The following CADM2 variants were observed in gnomAD, a reference collection of about 807,000 sequenced individuals.
The protein encoded by CADM2 is immunoglobulin superfamily member 4D.
CADM2 carries 12 observed loss-of-function variants against 49.8 expected under a neutral mutation model. The observed-to-expected ratio is 0.24, with a 90% confidence interval of 0.15 to 0.39. The LOEUF (loss-of-function observed/expected upper bound fraction) is 0.39. Ranked by LOEUF, CADM2 falls within the 10% of genes least tolerant of loss-of-function variation. The pLI is 1.00. For synonymous variants in CADM2, 214 were observed against 175.4 expected (o/e 1.22, Z -1.74); for missense variants, 378 against 492.3 (o/e 0.77, Z 2.20).
chr3:85,791,245 T>C (rs998314872), intron 2 of CADM2, among the ~76,000 whole-genome samples: 2 of 152,170 alleles, frequency 1.3e-5, no homozygotes, highest in African/African-American at 4.8e-5. Flanking sequence ...CCGGCCTTAA[T>C]GACATTTGTG....
chr3:85,910,564 A>G (rs990822508), intron 5 of CADM2, among the ~76,000 whole-genome samples: 15 of 152,100 alleles, frequency 9.9e-5, no homozygotes, highest in African/African-American at 3.4e-4. Context: ...TAAAAATGAG[A>G]TGAGATATTT....
chr3:85,726,462 G>T (rs757806559), intron 1 of CADM2, 60 bp from the exon 2 acceptor site: 1 of 1,587,018 alleles, frequency 6.3e-7, no homozygotes, highest in Non-Finnish European at 8.6e-7. Context: ...TCTTACTAGA[G>T]AATCTGTCTA....
intron 1 of CADM2, among the ~76,000 whole-genome samples, chr3:85,662,172 T>C (rs1457547655): frequency 6.6e-6 from 1 of 151,824 alleles, no homozygotes; most frequent in Non-Finnish European, 1.5e-5. Context: ...TGTTTGTTTA[T>C]TAATTATTGG....
intron 4 of CADM2, among the ~76,000 whole-genome samples, chr3:85,885,604 C>T (rs892272533): frequency 6.6e-6 from 1 of 150,848 alleles, no homozygotes; most frequent in Non-Finnish European, 1.5e-5. Context: ...ATTGCTTGAA[C>T]CTGGGAGGTG....
intron 1 of CADM2, among the ~76,000 whole-genome samples, chr3:85,215,764 C>T (rs981766606): frequency 2.0e-5 from 3 of 152,138 alleles, no homozygotes; most frequent in African/African-American, 7.2e-5. Context: ...GTAGATGATT[C>T]ACCTCTGGCC....
At chr3:85,648,717 T>C (rs1473507976) in intron 1 of CADM2, among the ~76,000 whole-genome samples, 1 of 152,054 alleles carries the variant, frequency 6.6e-6, no homozygotes, top group Non-Finnish European at 1.5e-5. Flanking sequence ...TTTTCTCCAT[T>C]ACTGAGATTT....
At chr3:85,590,485 T>A (rs1047753658) in intron 1 of CADM2, among the ~76,000 whole-genome samples, 8 of 151,872 alleles carry the variant, frequency 5.3e-5, no homozygotes, top group African/African-American at 1.9e-4. Flanking sequence ...CATGTTAGAG[T>A]GTTTTGAAAG....
At chr3:85,737,660 G>C (rs893952809) in intron 2 of CADM2, among the ~76,000 whole-genome samples, 1 of 150,850 alleles carries the variant, frequency 6.6e-6, no homozygotes, top group African/African-American at 2.4e-5. Flanking sequence ...CAGGTTCATG[G>C]CATTCTCCTG....
At chr3:85,638,737 C>A (rs1403828905) in intron 1 of CADM2, among the ~76,000 whole-genome samples, 1 of 151,966 alleles carries the variant, frequency 6.6e-6, no homozygotes, top group African/African-American at 2.4e-5. Flanking sequence ...CTGAAGGTTT[C>A]TTTCTTTATC....
intron 1 of CADM2, among the ~76,000 whole-genome samples, chr3:85,328,660 C>A (rs1382020989): frequency 6.6e-6 from 1 of 152,118 alleles, no homozygotes; most frequent in Non-Finnish European, 1.5e-5. Flanking sequence ...TTGGATGTTG[C>A]AAGCTCAAAT....
chr3:86,047,809 C>T (rs368970312), intron 8 of CADM2, among the ~76,000 whole-genome samples: 1 of 152,132 alleles, frequency 6.6e-6, no homozygotes, highest in Non-Finnish European at 1.5e-5. Flanking sequence ...TCTCACATTT[C>T]GAGTCCCAAA....
chr3:85,338,455 C>T lies in CADM2; in HGVS notation c.61+378787C>T, dbSNP rs1000026000. ...TAGTAAGTAATCTGTGCAATAGCCCCGAGAAGCCAGTAATATAGTAATAAA... is the reference window on the plus strand; with the variant it reads ...TAGTAAGTAATCTGTGCAATAGCCCTGAGAAGCCAGTAATATAGTAATAAA... On this transcript the variant is annotated intron_variant, in intron 1 of 9. Transcript: ENST00000383699. Among the ~76,000 whole-genome samples the T allele has an allele frequency of 1.9e-4, 28 of 151,210 alleles. 1 individual carries two copies. The highest frequency in any genetic ancestry group is 4.8e-4 in the African/African-American group (20 of 41,264).
intron 1 of CADM2, among the ~76,000 whole-genome samples, chr3:85,308,176 A>G (rs2044258656): frequency 6.6e-6 from 1 of 151,838 alleles, no homozygotes; most frequent in Non-Finnish European, 1.5e-5. Context: ...AATTTGCATT[A>G]AAATTTTCAT....
At chr3:85,645,190 G>T (rs1357160824) in intron 1 of CADM2, among the ~76,000 whole-genome samples, 1 of 151,790 alleles carries the variant, frequency 6.6e-6, no homozygotes, top group Non-Finnish European at 1.5e-5. Context: ...AATAAAAATT[G>T]TATCTCATAA....
At chr3:85,145,252 T>G (rs1409458382) in intron 1 of CADM2, among the ~76,000 whole-genome samples, 1 of 152,214 alleles carries the variant, frequency 6.6e-6, no homozygotes, top group Non-Finnish European at 1.5e-5. Context: ...GTTACTTCAC[T>G]TGCTTGAATA....
intron 8 of CADM2, among the ~76,000 whole-genome samples, chr3:85,976,023 A>C (rs149089594): frequency 2.6e-5 from 4 of 151,606 alleles, no homozygotes; most frequent in Non-Finnish European, 4.4e-5. Context: ...AAATATTAGT[A>C]TAACTGCAGA....
At chr3:85,166,742 G>T (rs942402302) in intron 1 of CADM2, among the ~76,000 whole-genome samples, 1 of 151,862 alleles carries the variant, frequency 6.6e-6, no homozygotes, top group African/African-American at 2.4e-5. Context: ...TTTAAATACT[G>T]TTTTTAGAAA....
intron 1 of CADM2, among the ~76,000 whole-genome samples, chr3:85,309,821 T>G (rs1042833438): frequency 1.3e-5 from 2 of 152,178 alleles, no homozygotes; most frequent in Non-Finnish European, 2.9e-5. Context: ...CTATATTACT[T>G]TACCCCCGTT....
At chr3:85,945,994 T>C (rs1722641825) in intron 7 of CADM2, among the ~76,000 whole-genome samples, 1 of 152,150 alleles carries the variant, frequency 6.6e-6, no homozygotes, top group East Asian at 1.9e-4. Flanking sequence ...AAATTGTCCC[T>C]GTTTGCAGAC....
Sources: gnomAD v4.1 joint callset for allele counts (sites outside exome capture counted in the v4.1 genomes callset) on GRCh38, gnomAD v4.1.1 for gene constraint, MANE v1.5 for transcripts, NCBI Gene and HGNC (gene_info 2026-07-23, HGNC 2026-07-21) for gene names.